The following PCDH15 variants were observed in gnomAD, a reference collection of about 807,000 sequenced individuals.
The protein encoded by PCDH15 is protocadherin related 15.
A neutral mutation model predicts 178.5 loss-of-function variants in PCDH15; 129 were observed. The observed-to-expected ratio is 0.72, with a 90% CI of 0.63 to 0.84. The LOEUF (loss-of-function observed/expected upper bound fraction) is 0.84, where lower values mean the gene tolerates loss of function less well. PCDH15 is among the 40% of genes least tolerant of loss of function. The pLI is 0.00. For synonymous variants in PCDH15, 800 were observed against 732.0 expected, an observed-to-expected ratio of 1.09 and a Z score of -1.50; for missense variants, 2,230 against 2,099.9, an observed-to-expected ratio of 1.06 and a Z score of -1.21.
intron 10 of PCDH15, among the ~76,000 whole-genome samples, chr10:54,212,496 C>G (rs1258541354): frequency 2.6e-5 from 4 of 152,078 alleles, no homozygotes; most frequent in Admixed American, 2.6e-4. Context: ...AACATCATTT[C>G]CCACTTTTAT....
intron 2 of PCDH15, among the ~76,000 whole-genome samples, chr10:54,559,496 G>A (rs11814358): frequency 0.046 from 6,925 of 152,024 alleles, 532 homozygotes; most frequent in African/African-American, 0.16. Context: ...TAAGTGCAAG[G>A]CATTGAGTAT....
chr10:53,995,898 A>C (rs553121042), intron 20 of PCDH15, 133 bp from the exon 21 acceptor site: 8 of 818,676 alleles, frequency 9.8e-6, no homozygotes, highest in Non-Finnish European at 1.6e-5. Context: ...CAATTCCATT[A>C]CTCTCATTTC....
chr10:55,052,755 C>T (rs886658342), intron 2 of PCDH15, among the ~76,000 whole-genome samples: 4 of 151,804 alleles, frequency 2.6e-5, no homozygotes, highest in Admixed American at 6.6e-5. Context: ...TATGAAAGTA[C>T]ATTAACAAAA....
intron 2 of PCDH15, among the ~76,000 whole-genome samples, chr10:55,493,793 T>C (rs1840473892): frequency 1.3e-5 from 2 of 151,876 alleles, no homozygotes; most frequent in Non-Finnish European, 2.9e-5. Context: ...AGTGATTAAG[T>C]GATTCTGAGC....
intron 37 of PCDH15, chr10:53,808,002 T>G (rs1028368757): frequency 6.6e-6 from 1 of 152,128 alleles, no homozygotes; most frequent in African/African-American, 2.4e-5. Context: ...TTTTCAGAAC[T>G]ATATTTCAAA....
At chr10:55,435,684 A>T (rs1255255668) in intron 2 of PCDH15, among the ~76,000 whole-genome samples, 2 of 152,136 alleles carry the variant, frequency 1.3e-5, no homozygotes, top group Non-Finnish European at 2.9e-5. Context: ...AGGGTAACTT[A>T]CAATGAGACA....
intron 25 of PCDH15, among the ~76,000 whole-genome samples, chr10:53,913,021 A>G (rs1270605009): frequency 2.0e-5 from 3 of 152,330 alleles, no homozygotes; most frequent in South Asian, 2.1e-4. Flanking sequence ...TGGAGGCATC[A>G]TGCTACCTGA....
At chr10:55,497,292 G>T (rs924619249) in intron 2 of PCDH15, among the ~76,000 whole-genome samples, 2 of 151,482 alleles carry the variant, frequency 1.3e-5, no homozygotes, top group Non-Finnish European at 2.9e-5. Flanking sequence ...ATGACGCCTG[G>T]CTGATTTTTT....
rs184948258 is a variant in PCDH15, at chr10:54,230,723, G to A, written c.985+6100C>T. Among the ~76,000 whole-genome samples, 374 of 152,078 alleles carry A rather than the reference G, an allele frequency of 2.5e-3. 2 individuals are homozygous for A. The highest frequency in any genetic ancestry group is 7.9e-3 in the African/African-American group (326 of 41,456). ...ATCAATGGGTGACACCAACATTTTA[G>A]TTGCCAGAATATTCATAATATTATT... is the stretch of plus-strand genomic sequence containing the variant. On this transcript the variant is annotated intron_variant, in intron 9 of 37. Coordinates refer to ENST00000644397, the MANE Select transcript of PCDH15 (RefSeq NM_001384140.1).
At chr10:54,515,374 T>C (rs1467397010) in intron 3 of PCDH15, among the ~76,000 whole-genome samples, 2 of 152,172 alleles carry the variant, frequency 1.3e-5, no homozygotes, top group African/African-American at 2.4e-5. Flanking sequence ...GTCTCGCTGA[T>C]TGCTAGCACA....
chr10:54,153,799 G>A (rs907712471), intron 13 of PCDH15, among the ~76,000 whole-genome samples: 2 of 151,808 alleles, frequency 1.3e-5, no homozygotes, highest in Non-Finnish European at 2.9e-5. Context: ...TCTCATCTTT[G>A]TGTCCTTTTT....
chr10:53,825,192 T>A (rs932046243), intron 32 of PCDH15: 1 of 1,513,142 alleles, frequency 6.6e-7, no homozygotes, highest in East Asian at 2.5e-5. Flanking sequence ...AAAAAAGAAG[T>A]TTTTACTAGA....
At chr10:53,945,864 T>TATATATATATATATAC (rs2086520504) in intron 23 of PCDH15, among the ~76,000 whole-genome samples, 5 of 140,304 alleles carry the variant, frequency 3.6e-5, no homozygotes, top group African/African-American at 1.3e-4. Context: ...TATATATATA[T>TATATATATATATATAC]ATATATATAT....
In PCDH15 at chr10:54,303,141, A is replaced by T. The variant is rs151306368; in HGVS notation, c.876+14130T>A. ...AGAATTGGTACAGTTCTTGACTGAG[A>T]GGAACTTCCACCACCTAGCAGATGG... On this transcript the variant is annotated intron_variant, in intron 8 of 37. Transcript: ENST00000644397. 9.4e-3 allele frequency among the ~76,000 whole-genome samples: 1,424 copies of T among 152,234 alleles called. 32 individuals are homozygous for T. Among genetic ancestry groups the T allele is most frequent in the African/African-American group, 0.032 (1,348 of 41,542 alleles).
At chr10:54,933,936 A>C (rs1837843184) in intron 2 of PCDH15, among the ~76,000 whole-genome samples, 1 of 152,164 alleles carries the variant, frequency 6.6e-6, no homozygotes, top group African/African-American at 2.4e-5. Flanking sequence ...CTTACTGTGA[A>C]TATAAATTTA....
intron 2 of PCDH15, among the ~76,000 whole-genome samples, chr10:55,355,202 G>C (rs1001335812): frequency 2.0e-5 from 3 of 151,992 alleles, no homozygotes; most frequent in Non-Finnish European, 2.9e-5. Context: ...TCTGAATAGA[G>C]CTGCTACAAA....
At chr10:55,044,121 T>G (rs1840939002) in intron 2 of PCDH15, among the ~76,000 whole-genome samples, 1 of 152,084 alleles carries the variant, frequency 6.6e-6, no homozygotes, top group Non-Finnish European at 1.5e-5. Flanking sequence ...GAAAGGACAT[T>G]TTTGATGTCT....
intron 3 of PCDH15, among the ~76,000 whole-genome samples, chr10:54,520,520 T>C (rs2082733955): frequency 6.6e-6 from 1 of 152,054 alleles, no homozygotes; most frequent in Non-Finnish European, 1.5e-5. Flanking sequence ...TGAGATACCA[T>C]CTCACACCAG....
chr10:54,505,364 T>C (rs912645321), intron 3 of PCDH15, among the ~76,000 whole-genome samples: 1 of 152,268 alleles, frequency 6.6e-6, no homozygotes, highest in East Asian at 1.9e-4. Flanking sequence ...CCCATGCTCC[T>C]AAGTTAAAAA....
Sources: allele counts gnomAD v4.1 joint callset (sites outside exome capture counted in the v4.1 genomes callset), GRCh38; gene constraint gnomAD v4.1.1; transcripts MANE v1.5; gene names NCBI Gene and HGNC (gene_info 2026-07-23, HGNC 2026-07-21).